The following DST variants were observed in gnomAD, a reference collection of about 807,000 sequenced individuals.
DST encodes the protein dystonin.
In DST, 253 loss-of-function variants were observed where a neutral mutation model predicts 875.2. The observed-to-expected ratio is 0.29, with a 90% CI of 0.26 to 0.32. The LOEUF (loss-of-function observed/expected upper bound fraction) is 0.32. Ranked by LOEUF, DST falls within the 10% of genes least tolerant of loss-of-function variation. The probability of loss-of-function intolerance (pLI) is 1.00; values close to 1 mark genes in which losing one functional copy is unlikely to be tolerated. For missense variants in DST, 8,287 were observed against 9,111.6 expected, an observed-to-expected ratio of 0.91 and a Z score of 3.68; for synonymous variants, 3,124 against 3,197.1, an observed-to-expected ratio of 0.98 and a Z score of 0.77.
chr6:56,772,706 T>C (rs1187466126), intron 4 of DST, among the ~76,000 whole-genome samples: 1 of 152,184 alleles, frequency 6.6e-6, no homozygotes, highest in Non-Finnish European at 1.5e-5. Flanking sequence ...ATTTCATACA[T>C]GAGCGAAAAT....
chr6:56,796,050 C>T (rs2099739221), intron 4 of DST, among the ~76,000 whole-genome samples: 1 of 152,164 alleles, frequency 6.6e-6, no homozygotes, highest in African/African-American at 2.4e-5. Flanking sequence ...CAAACAGCAA[C>T]CCCGGAGTGA....
At chr6:56,512,596 G>A (rs4130060) in intron 72 of DST, among the ~76,000 whole-genome samples, 119,802 of 152,144 alleles carry the variant, frequency 0.79, 47,699 homozygotes, top group African/African-American at 0.9. Flanking sequence ...CAGGAAAGAT[G>A]GTCTAGAGAT....
intron 4 of DST, among the ~76,000 whole-genome samples, chr6:56,840,471 A>C (rs1376571097): frequency 6.6e-6 from 1 of 152,212 alleles, no homozygotes; most frequent in Non-Finnish European, 1.5e-5. Flanking sequence ...CAGCTGAAGA[A>C]ATATGTTTTT....
chr6:56,511,447 A>G (rs746398662), intron 72 of DST, 47 bp from the exon 73 acceptor site: 2 of 1,502,530 alleles, frequency 1.3e-6, no homozygotes, highest in Non-Finnish European at 9.0e-7. Flanking sequence ...TCACACCTCC[A>G]TATTACAGCT....
intron 5 of DST, among the ~76,000 whole-genome samples, chr6:56,733,140 A>G (rs2099508929): frequency 6.6e-6 from 1 of 152,176 alleles, no homozygotes; most frequent in South Asian, 2.1e-4. Flanking sequence ...ATCAACCTTT[A>G]AAAATCTGTG....
chr6:56,774,733 C>T (rs1297909584), intron 4 of DST, among the ~76,000 whole-genome samples: 3 of 152,174 alleles, frequency 2.0e-5, no homozygotes, highest in Non-Finnish European at 4.4e-5. Context: ...TGGCTCACGC[C>T]TCTAATCCCA....
chr6:56,596,840 T>C (rs2098394094), intron 47 of DST, among the ~76,000 whole-genome samples: 1 of 152,238 alleles, frequency 6.6e-6, no homozygotes, highest in Non-Finnish European at 1.5e-5. Context: ...GTAGCATTAA[T>C]GTTAGCTTTA....
chr6:56,514,901 C>T (rs907323949), intron 72 of DST, among the ~76,000 whole-genome samples: 1 of 152,192 alleles, frequency 6.6e-6, no homozygotes, highest in South Asian at 2.1e-4. Context: ...TTTACACTTA[C>T]AGGAACAAGA....
intron 73 of DST, 27 bp from the exon 74 acceptor site, chr6:56,509,900 A>G (rs572471755): frequency 1.3e-6 from 2 of 1,506,338 alleles, no homozygotes; most frequent in South Asian, 1.3e-5. Context: ...GAGATCTTTT[A>G]TGGAAAAAAG....
rs1468551727 is a variant in DST, at chr6:56,627,190, A to G, written c.4722+14T>C. The G allele has an allele frequency of 6.3e-7, 1 of 1,583,328 alleles. No individual in the cohort carries two copies. The stretch of plus-strand genomic sequence containing the variant: ...TGAATATTAAATTTTACTAAAGTTA[A>G]TGAATCTTCCTACCTTCACTGTAGC... On this transcript the variant is annotated intron_variant, in intron 34 of 103. Transcript: ENST00000680361.
At chr6:56,461,075 AAC>A (rs1033329322) in intron 102 of DST, 11 of 152,228 alleles carry the variant, frequency 7.2e-5, no homozygotes, top group African/African-American at 2.7e-4. Context: ...CCTCAATGAA[AAC>A]ACAGCCAGAG....
chr6:56,578,128 G>A (rs921959016), intron 50 of DST, among the ~76,000 whole-genome samples: 10 of 152,014 alleles, frequency 6.6e-5, no homozygotes, highest in African/African-American at 9.6e-5. Context: ...CTACTTTTGT[G>A]CACAAAACAT....
chr6:56,510,353 T>C (rs2096448653), intron 73 of DST, among the ~76,000 whole-genome samples: 1 of 152,146 alleles, frequency 6.6e-6, no homozygotes, highest in African/African-American at 2.4e-5. Context: ...ATGGGAAGTT[T>C]TGATTAGATT....
intron 5 of DST, among the ~76,000 whole-genome samples, chr6:56,719,093 C>T (rs2099405089): frequency 6.6e-6 from 1 of 152,032 alleles, no homozygotes; most frequent in African/African-American, 2.4e-5. Flanking sequence ...TTTAGTCACA[C>T]TCCTTTTGAA....
At chr6:56,571,264 T>C (rs1311915658) in intron 53 of DST, among the ~76,000 whole-genome samples, 1 of 152,214 alleles carries the variant, frequency 6.6e-6, no homozygotes, top group African/African-American at 2.4e-5. Context: ...TACTGATAAC[T>C]ACATTATTTT....
chr6:56,906,915 G>A (rs376920270), intron 2 of DST, among the ~76,000 whole-genome samples: 1 of 152,124 alleles, frequency 6.6e-6, no homozygotes, highest in South Asian at 2.1e-4. Flanking sequence ...GATGTGAGGT[G>A]ATAGCTCACT....
rs1470578488 is a variant in DST, at chr6:56,614,374, A to T, written c.5040T>A (p.Pro1680=). 1.9e-5 allele frequency: 30 copies of T among 1,607,468 alleles called. No homozygotes were observed. Among genetic ancestry groups the T allele is most frequent in the Non-Finnish European group, 2.5e-5 (29 of 1,177,178 alleles). Reference sequence around the variant, plus strand: ...TGAATACCTTTTGCTTAGAGAAGGGAGGTTTTCCAGCCTTCTCTGCATCTT... The same window carrying T: ...TGAATACCTTTTGCTTAGAGAAGGGTGGTTTTCCAGCCTTCTCTGCATCTT... ...TLKDAEKAGK[P]PFSKQKISSE... Residue 1680 remains proline, a synonymous_variant, in exon 37 of 104, where the codon CCT becomes CCA. Coordinates refer to ENST00000680361, the MANE Select transcript of DST (RefSeq NM_001374736.1).
chr6:56,812,109 A>AAAAAGAAAGGAAAAGAAAAG (rs2099760871), intron 4 of DST, among the ~76,000 whole-genome samples: 1 of 111,802 alleles, frequency 8.9e-6, no homozygotes, highest in Non-Finnish European at 1.8e-5. Context: ...CTCAAAAAAA[A>AAAAAGAAAGGAAAAGAAAAG]AAAAGAAAAG....
chr6:56,562,320 CA>C, intron 55 of DST, 120 bp from the exon 56 acceptor site: 1 of 546,404 alleles, frequency 1.8e-6, no homozygotes, highest in Non-Finnish European at 3.0e-6. Context: ...GACTCAACTT[CA>C]AAATCAAATG....
Sources: allele counts gnomAD v4.1 joint callset (sites outside exome capture counted in the v4.1 genomes callset), GRCh38; gene constraint gnomAD v4.1.1; transcripts MANE v1.5; gene names NCBI Gene and HGNC (gene_info 2026-07-23, HGNC 2026-07-21).